The following TAB1 variants were observed in gnomAD, a reference collection of about 807,000 sequenced individuals.
The protein encoded by TAB1 is TGF-beta-activated kinase 1 and MAP3K7-binding protein 1.
TAB1 carries 30 observed loss-of-function variants against 54.5 expected under a neutral mutation model. That is an observed-to-expected ratio of 0.55 (90% CI 0.41 to 0.75). The LOEUF is 0.75. TAB1 is among the 30% of genes least tolerant of loss of function. The pLI, the probability that TAB1 is intolerant of heterozygous loss-of-function variation, is 0.00. For missense variants in TAB1, 609 were observed against 683.2 expected, an observed-to-expected ratio of 0.89 and a Z score of 1.21; for synonymous variants, 289 against 286.9, an observed-to-expected ratio of 1.01 and a Z score of -0.07.
At chr22:39,410,273 A>G (rs1427631935) in intron 1 of TAB1, among the ~76,000 whole-genome samples, 1 of 152,000 alleles carries the variant, frequency 6.6e-6, no homozygotes, top group African/African-American at 2.4e-5. Context: ...ACGCCTGGCT[A>G]ATTTTTGTAT....
chr22:39,431,674 AG>A lies in TAB1; in HGVS notation c.*1455del. ...ATGGAAGAAAAACAGGTCTCAGCCC[AG>A]GGTCCTCGCTCACTCCCTCACTCCC... On this transcript the variant is annotated 3_prime_UTR_variant, in exon 11 of 11. Transcript: ENST00000216160. The A allele has an allele frequency of 1.0e-6, 1 of 985,498 alleles. No individual in the cohort carries two copies. The highest frequency in any genetic ancestry group is 1.2e-6 in the Non-Finnish European group (1 of 829,970). 61.0% of individuals were successfully genotyped at this position (985,498 alleles called of 1,614,324 possible).
At chr22:39,424,784 C>T (rs1927245920) in intron 8 of TAB1, among the ~76,000 whole-genome samples, 1 of 152,104 alleles carries the variant, frequency 6.6e-6, no homozygotes. Context: ...ATAAGCTTAC[C>T]ATTCCTTCCA....
At chr22:39,423,638 T>G (rs1238611139) in intron 8 of TAB1, among the ~76,000 whole-genome samples, 1 of 152,160 alleles carries the variant, frequency 6.6e-6, no homozygotes, top group African/African-American at 2.4e-5. Context: ...GAAAAAGTCT[T>G]CTTTAAAATT....
At chr22:39,433,361 G>T (rs1823795032), downstream of TAB1, 1 of 814,924 alleles carries the variant, frequency 1.2e-6, no homozygotes, top group Admixed American at 6.2e-5. Context: ...TGAGGCAGGA[G>T]AATAGCGTGA....
Position 39,415,023 on chromosome 22 carries a change from G to A in TAB1, c.51G>A (p.Trp17Ter). 4 of 1,614,066 alleles carry A rather than the reference G, an allele frequency of 2.5e-6. No homozygotes were observed. Among genetic ancestry groups the A allele is most frequent in the Non-Finnish European group, 3.4e-6 (4 of 1,180,000 alleles). The change falls in exon 2 of 11, where the codon TGG (tryptophan) becomes TGA (stop). Residue 17 changes from tryptophan (W) to a stop codon, truncating the protein, a stop_gained. Transcript: ENST00000216160. LOFTEE classifies it high-confidence loss of function. This position sits in a 1 kb window ranked among gnomAD's most constrained non-coding sequence, Gnocchi z 4.9. Reference protein sequence around the residue: ...SLLQSEQQPSWTDDLPLCHLS... With the variant: ...SLLQSEQQPS ...TTCCCCAGGAGCAGCAGCCAAGCTG[G>A]ACAGATGACCTGCCTCTCTGCCACC... is the stretch of plus-strand genomic sequence containing the variant.
intron 1 of TAB1, chr22:39,414,670 G>GCATTT: frequency 3.5e-6 from 1 of 286,162 alleles, no homozygotes. Context: ...AGTAAGAGGT[G>GCATTT]GGGTCCCCAG....
intron 8 of TAB1, among the ~76,000 whole-genome samples, chr22:39,422,396 A>ATTT (rs1319304036): frequency 1.7e-5 from 2 of 115,088 alleles, no homozygotes; most frequent in African/African-American, 6.6e-5. Flanking sequence ...TTTGCTTCTC[A>ATTT]TTTCTTTTTT....
intron 8 of TAB1, among the ~76,000 whole-genome samples, chr22:39,424,450 T>C (rs970786370): frequency 1.4e-5 from 2 of 144,906 alleles, no homozygotes; most frequent in African/African-American, 5.1e-5. Flanking sequence ...TTTTTTTTTT[T>C]TTTTTTTTTT....
chr22:39,399,965 C>G, intron 1 of TAB1, 130 bp downstream of exon 1: 1 of 1,025,832 alleles, frequency 9.7e-7, no homozygotes, highest in Middle Eastern at 2.5e-4. Flanking sequence ...CAGCCACCTT[C>G]TCCTCTCCTC....
chr22:39,427,927 C>T (rs1927419547), intron 9 of TAB1, 94 bp from the exon 10 acceptor site: 4 of 1,288,584 alleles, frequency 3.1e-6, no homozygotes, highest in African/African-American at 1.5e-5. Flanking sequence ...AGCCCTCAGG[C>T]ACCACCCCAT....
downstream of TAB1, among the ~76,000 whole-genome samples, chr22:39,435,173 C>T (rs902152401): frequency 2.0e-5 from 3 of 152,216 alleles, no homozygotes; most frequent in African/African-American, 7.2e-5. Context: ...TTACATGTCT[C>T]ATTTATTTTG....
In TAB1 at chr22:39,427,498, C is replaced by A. The variant is rs578150370; in HGVS notation, c.1145-523C>A. Among the ~76,000 whole-genome samples, 83 of 152,328 alleles carry A rather than the reference C, an allele frequency of 5.4e-4. 1 individual carries two copies. Among genetic ancestry groups the A allele is most frequent in the Admixed American group, 3.3e-4 (5 of 15,306 alleles). On this transcript the variant is annotated intron_variant, in intron 9 of 10. Transcript: ENST00000216160. ...TCAGGAAAAGAGGTGGCTGCTCTTT[C>A]CCGTGCTCCCCCCAGTGCTGCTCAG...
At chr22:39,433,489 C>G (rs934594501), downstream of TAB1, 9 of 985,216 alleles carry the variant, frequency 9.1e-6, no homozygotes, top group Middle Eastern at 1.0e-3. Context: ...CTCCCAAAAC[C>G]CAGCTAGGTT....
intron 8 of TAB1, among the ~76,000 whole-genome samples, chr22:39,422,974 T>G (rs961247961): frequency 6.6e-6 from 1 of 150,952 alleles, no homozygotes; most frequent in Non-Finnish European, 1.5e-5. Flanking sequence ...CTTTTCTGCT[T>G]TGACTTTTTT....
At chr22:39,432,481 G>A (rs1332541114), downstream of TAB1, 1 of 152,396 alleles carries the variant, frequency 6.6e-6, no homozygotes, top group Admixed American at 6.5e-5. Flanking sequence ...TGGTCAGAGG[G>A]TCCCGGATGT....
intron 1 of TAB1, 179 bp from the exon 2 acceptor site, chr22:39,414,827 A>C (rs1247192995): frequency 6.3e-6 from 4 of 635,562 alleles, no homozygotes; most frequent in Non-Finnish European, 1.0e-5. Flanking sequence ...TAGCCATAAA[A>C]ACAGCAAACC....
At chr22:39,434,612 G>A (rs950114706), downstream of TAB1, among the ~76,000 whole-genome samples, 4 of 152,220 alleles carry the variant, frequency 2.6e-5, no homozygotes, top group Admixed American at 6.5e-5. Context: ...GAGCCTGGGC[G>A]GCCGCGTCAG....
chr22:39,420,882 C>CTCTGTG (rs5845426), intron 7 of TAB1, among the ~76,000 whole-genome samples: 1 of 14,364 alleles, frequency 7.0e-5, no homozygotes, highest in Admixed American at 7.0e-4. Flanking sequence ...GTGTCTCTCT[C>CTCTGTG]TGTGTGTGTG....
chr22:39,424,983 A>T (rs1242625152), intron 8 of TAB1, among the ~76,000 whole-genome samples: 1 of 152,274 alleles, frequency 6.6e-6, no homozygotes, highest in Non-Finnish European at 1.5e-5. Context: ...AAGAAACTTT[A>T]TGATGGTGAG....
Sources: gnomAD v4.1 joint callset for allele counts (sites outside exome capture counted in the v4.1 genomes callset) on GRCh38, gnomAD v4.1.1 for gene constraint, Gnocchi (gnomAD v3.1) non-coding constraint, MANE v1.5 for transcripts, NCBI Gene and HGNC (gene_info 2026-07-23, HGNC 2026-07-21) for gene names.